The following HBS1L variants were observed in gnomAD, a reference collection of about 807,000 sequenced individuals.
The protein encoded by HBS1L is HBS1-like protein.
A neutral mutation model predicts 88.9 loss-of-function variants in HBS1L; 55 were observed. That is an observed-to-expected ratio of 0.62 (90% confidence interval 0.50 to 0.77). The LOEUF is 0.77. Ranked by LOEUF, HBS1L falls within the 30% of genes least tolerant of loss-of-function variation. The pLI, the probability that HBS1L is intolerant of heterozygous loss-of-function variation, is 0.00. For missense variants in HBS1L, 741 were observed against 829.3 expected (o/e 0.89, Z 1.31); for synonymous variants, 267 against 288.5 (o/e 0.93, Z 0.76).
chr6:135,037,656 T>A, intron 4 of HBS1L: 1 of 1,550,122 alleles, frequency 6.5e-7, no homozygotes, highest in South Asian at 1.2e-5. Context: ...TGCATTCAGA[T>A]GCATGAGGTC....
chr6:135,024,549 GTTT>G (rs34343700), intron 4 of HBS1L, among the ~76,000 whole-genome samples: 5,387 of 143,646 alleles, frequency 0.038, 338 homozygotes, highest in African/African-American at 0.13. Context: ...TCTTGGGGGT[GTTT>G]TTTTTTTTTC....
chr6:135,025,261 A>T (rs955126568), intron 4 of HBS1L, among the ~76,000 whole-genome samples: 1 of 152,222 alleles, frequency 6.6e-6, no homozygotes, highest in Non-Finnish European at 1.5e-5. Context: ...TTCTTACCAA[A>T]CAGAAATGTG....
chr6:135,032,819 A>G (rs1370133578), intron 4 of HBS1L, among the ~76,000 whole-genome samples: 5 of 152,034 alleles, frequency 3.3e-5, no homozygotes, highest in African/African-American at 1.2e-4. Context: ...AATATAAAAC[A>G]CTGACTATAG....
At chr6:135,013,188 T>A (rs1026107816) in intron 4 of HBS1L, among the ~76,000 whole-genome samples, 1 of 152,168 alleles carries the variant, frequency 6.6e-6, no homozygotes, top group African/African-American at 2.4e-5. Context: ...AGTATCTGCC[T>A]AACAAAGATG....
chr6:135,013,276 C>T (rs760531027), intron 4 of HBS1L, among the ~76,000 whole-genome samples: 3 of 152,164 alleles, frequency 2.0e-5, no homozygotes, highest in Non-Finnish European at 4.4e-5. Flanking sequence ...GCACACAGTC[C>T]GTGGGTCTCT....
intron 15 of HBS1L, among the ~76,000 whole-genome samples, chr6:134,975,407 T>C (rs758231903): frequency 3.3e-5 from 5 of 151,858 alleles, no homozygotes; most frequent in African/African-American, 4.8e-5. Context: ...GAAAAAACAA[T>C]CCTAAAATTC....
intron 15 of HBS1L, among the ~76,000 whole-genome samples, chr6:134,976,524 G>A (rs4580893): frequency 0.31 from 47,730 of 152,034 alleles, 7,891 homozygotes; most frequent in Non-Finnish European, 0.37. Context: ...ATCAACCAAT[G>A]AGTGGATAGA....
intron 4 of HBS1L, among the ~76,000 whole-genome samples, chr6:135,008,420 C>T (rs1775673415): frequency 6.6e-6 from 1 of 152,230 alleles, no homozygotes; most frequent in Non-Finnish European, 1.5e-5. Flanking sequence ...TGACCTTTCT[C>T]ATCCTCCAGC....
chr6:134,984,338 G>A (rs1276414302), intron 12 of HBS1L, among the ~76,000 whole-genome samples: 6 of 152,040 alleles, frequency 3.9e-5, no homozygotes, highest in Non-Finnish European at 8.8e-5. Flanking sequence ...CCAGGCACTG[G>A]GCTAGGGCCG....
At chr6:134,976,067 C>A (rs558852282) in intron 15 of HBS1L, among the ~76,000 whole-genome samples, 5 of 151,902 alleles carry the variant, frequency 3.3e-5, no homozygotes, top group Non-Finnish European at 7.4e-5. Flanking sequence ...GAAAAAAAAG[C>A]AAACAATTCC....
chr6:135,051,112 G>C (rs1777069363), intron 1 of HBS1L, among the ~76,000 whole-genome samples: 1 of 152,022 alleles, frequency 6.6e-6, no homozygotes, highest in Middle Eastern at 3.2e-3. Flanking sequence ...TGTAATCCCA[G>C]CTACTCTGGA....
chr6:135,032,919 C>T (rs1343383922), intron 4 of HBS1L, among the ~76,000 whole-genome samples: 1 of 107,990 alleles, frequency 9.3e-6, no homozygotes, highest in African/African-American at 3.5e-5. Flanking sequence ...GTTAAAATGC[C>T]AGTTTAGTAA....
At chr6:135,040,111 A>G (rs1326417430) in intron 3 of HBS1L, among the ~76,000 whole-genome samples, 1 of 152,206 alleles carries the variant, frequency 6.6e-6, no homozygotes, top group Non-Finnish European at 1.5e-5. Flanking sequence ...ATGTACAGAA[A>G]GGAAGGGGTG....
chr6:134,971,168 T>C (rs573108073), intron 15 of HBS1L, among the ~76,000 whole-genome samples: 16 of 151,858 alleles, frequency 1.1e-4, no homozygotes, highest in African/African-American at 3.4e-4. Context: ...GGTATTATTT[T>C]TCAATGGCAT....
At chr6:135,031,347 T>A (rs1284792015) in intron 4 of HBS1L, among the ~76,000 whole-genome samples, 1 of 152,118 alleles carries the variant, frequency 6.6e-6, no homozygotes, top group African/African-American at 2.4e-5. Flanking sequence ...AATGGTTCAG[T>A]ATTCATTAAT....
At chr6:135,002,955 T>C (rs931597691) in intron 4 of HBS1L, 113 bp from the exon 5 acceptor site, 2 of 605,594 alleles carry the variant, frequency 3.3e-6, no homozygotes. Context: ...AATTAATGTC[T>C]TTATAAACAC....
chr6:135,037,590 T>C (rs1398685756), intron 4 of HBS1L: 8 of 1,548,392 alleles, frequency 5.2e-6, no homozygotes, highest in South Asian at 1.2e-5. Context: ...TTGTGCCCTT[T>C]ATGATTATGG....
At chr6:135,025,609 T>C (rs963995898) in intron 4 of HBS1L, among the ~76,000 whole-genome samples, 1 of 152,166 alleles carries the variant, frequency 6.6e-6, no homozygotes, top group Non-Finnish European at 1.5e-5. Flanking sequence ...ACCCCTCCCA[T>C]TATTCTTTAT....
At chr6:135,049,049 G>A (rs577994631) in intron 2 of HBS1L, among the ~76,000 whole-genome samples, 37 of 152,310 alleles carry the variant, frequency 2.4e-4, no homozygotes, top group Middle Eastern at 6.8e-3. Flanking sequence ...CAGTTTATAA[G>A]ACAGCCCAGC....
Sources: allele counts gnomAD v4.1 joint callset (sites outside exome capture counted in the v4.1 genomes callset), GRCh38; gene constraint gnomAD v4.1.1; transcripts MANE v1.5; gene names NCBI Gene and HGNC (gene_info 2026-07-23, HGNC 2026-07-21).